ITGAM: variants seen among roughly 807,000 people sequenced by gnomAD.
ITGAM encodes integrin alpha-M.
In ITGAM, 79 loss-of-function variants were observed where a neutral mutation model predicts 137.5. The ratio of observed to expected loss-of-function variants is 0.57; its 90% CI spans 0.48 to 0.69. The LOEUF is 0.69. Ranked by LOEUF, ITGAM falls within the 30% of genes least tolerant of loss-of-function variation. The pLI, the probability that ITGAM is intolerant of heterozygous loss-of-function variation, is 0.00. For missense variants in ITGAM, 1,343 were observed against 1,483.5 expected, an observed-to-expected ratio of 0.91 and a Z score of 1.56; for synonymous variants, 583 against 592.3, an observed-to-expected ratio of 0.98 and a Z score of 0.23.
chr16:31,304,224 G>A (rs529316406), intron 14 of ITGAM, among the ~76,000 whole-genome samples: 2 of 152,006 alleles, frequency 1.3e-5, no homozygotes, highest in Non-Finnish European at 2.9e-5. Flanking sequence ...GTGATGTTGA[G>A]CATTTTTTTC....
chr16:31,326,886 T>G lies in ITGAM; in HGVS notation c.2659T>G (p.Ser887Ala), dbSNP rs1196403460. 6.2e-7 allele frequency: 1 copy of G among 1,613,292 alleles called. No individual in the cohort carries two copies. Among genetic ancestry groups the G allele is most frequent in the Admixed American group, 1.7e-5 (1 of 60,028 alleles). Residue 887 changes from serine (S) to alanine (A), a missense_variant, in exon 22 of 30, where the codon TCT becomes GCT. Ser to Ala is a moderately conservative substitution (Grantham distance 99). Transcript: ENST00000544665. Reference sequence around the variant, plus strand: ...CTTTAATATCACGTTTGATGTAGACTCTAAGGCTTCCCTTGGAAACAAACT... The same window carrying G: ...CTTTAATATCACGTTTGATGTAGACGCTAAGGCTTCCCTTGGAAACAAACT... The part of the protein sequence containing the change: ...VTFNITFDVD[S>A]KASLGNKLLL...
chr16:31,326,365 C>T (rs2080508314), intron 21 of ITGAM, among the ~76,000 whole-genome samples: 1 of 152,096 alleles, frequency 6.6e-6, no homozygotes, highest in Admixed American at 6.6e-5. Context: ...AAGGATCATT[C>T]ATGTCGTAGT....
At chr16:31,321,781 G>A (rs545103233) in intron 16 of ITGAM, among the ~76,000 whole-genome samples, 154 bp downstream of exon 16, 1 of 152,316 alleles carries the variant, frequency 6.6e-6, no homozygotes, top group South Asian at 2.1e-4. Context: ...GCAGGCTATT[G>A]TCCTGCTGGG....
intron 12 of ITGAM, among the ~76,000 whole-genome samples, chr16:31,288,124 G>A (rs372554543): frequency 6.6e-6 from 1 of 152,096 alleles, no homozygotes; most frequent in Non-Finnish European, 1.5e-5. Context: ...GAAAAGGGGT[G>A]TGGGGAAGCA....
intron 12 of ITGAM, among the ~76,000 whole-genome samples, chr16:31,280,717 C>G (rs1423059349): frequency 6.6e-6 from 1 of 152,012 alleles, no homozygotes; most frequent in Non-Finnish European, 1.5e-5. Context: ...ATTTCTTTCT[C>G]CTGCCTGATT....
intron 12 of ITGAM, among the ~76,000 whole-genome samples, chr16:31,293,001 C>T (rs1298865319): frequency 6.6e-6 from 1 of 152,122 alleles, no homozygotes; most frequent in Non-Finnish European, 1.5e-5. Flanking sequence ...TTACATTTCT[C>T]TAATGATAAT....
At position 31,324,659 on chromosome 16, in the gene ITGAM, C is replaced by T. The variant is rs375935866; in HGVS notation, c.2166C>T (p.Ile722=). 8.1e-6 allele frequency: 13 copies of T among 1,601,964 alleles called. No individual in the cohort carries two copies. The African/African-American group carries it at 9.4e-5, about 12-fold the overall frequency. ...ETLKLQLPNC[I]EDPVSPIVLR... ...TCCCGGCTATCTCTTAGAATTGCAT[C>T]GAGGACCCAGTGAGCCCCATTGTGC... Residue 722 remains isoleucine, a synonymous_variant, in exon 18 of 30, where the codon ATC becomes ATT. Transcript: ENST00000544665. This position sits in a 1 kb window ranked among gnomAD's most constrained non-coding sequence, Gnocchi z 4.5.
rs115712775 is a variant in ITGAM at position 31,316,939 on chromosome 16, T to C, written c.1708-4302T>C. 7.9e-3 allele frequency among the ~76,000 whole-genome samples: 1,203 copies of C among 152,344 alleles called. 25 individuals carry two copies. Among genetic ancestry groups the C allele is most frequent in the African/African-American group, 0.028 (1,155 of 41,570 alleles). ...GAAACAAATAATTTTTGTATGTTCA[T>C]TTTGTATTCCATGACTTTACTAAAT... is the stretch of plus-strand genomic sequence containing the variant. On this transcript the variant is annotated intron_variant, in intron 14 of 29. Coordinates refer to ENST00000544665, the MANE Select transcript of ITGAM (RefSeq NM_000632.4).
At chr16:31,261,108 TG>T (rs1337153539) in intron 1 of ITGAM, among the ~76,000 whole-genome samples, 1 of 151,912 alleles carries the variant, frequency 6.6e-6, no homozygotes, top group Non-Finnish European at 1.5e-5. Flanking sequence ...CTAACAGAGC[TG>T]GACCTGGGAG....
At chr16:31,282,043 T>C (rs1257024528) in intron 12 of ITGAM, among the ~76,000 whole-genome samples, 1 of 152,200 alleles carries the variant, frequency 6.6e-6, no homozygotes, top group Non-Finnish European at 1.5e-5. Flanking sequence ...GTGAGTTTCT[T>C]AATCCTGAGT....
chr16:31,294,903 G>A (rs2080118782), intron 12 of ITGAM, among the ~76,000 whole-genome samples: 1 of 152,038 alleles, frequency 6.6e-6, no homozygotes, highest in African/African-American at 2.4e-5. Context: ...TTTTGTATAT[G>A]GTTTGGGATA....
chr16:31,267,135 T>C (rs2144266055), intron 5 of ITGAM, among the ~76,000 whole-genome samples: 1 of 152,206 alleles, frequency 6.6e-6, no homozygotes, highest in East Asian at 1.9e-4. Flanking sequence ...CCCAAAGTGC[T>C]GGGAATGAGC....
intron 14 of ITGAM, among the ~76,000 whole-genome samples, chr16:31,302,956 CT>C (rs1567268549): frequency 8.3e-6 from 1 of 120,698 alleles, no homozygotes; most frequent in Non-Finnish European, 1.7e-5. Context: ...TTCTTTCTTT[CT>C]TTCTTTCTTT....
chr16:31,297,135 A>G (rs998922527), intron 12 of ITGAM, among the ~76,000 whole-genome samples: 31 of 152,082 alleles, frequency 2.0e-4, no homozygotes, highest in African/African-American at 6.8e-4. Flanking sequence ...TGACTCTACT[A>G]TAGGCTTATT....
rs759371607 is a variant in ITGAM at position 31,261,785 on chromosome 16, T to A, written c.122T>A (p.Leu41His). ...GGCTTCGGGCAGAGCGTGGTCCAGCTTCAGGGATCCAGGTGAGACCCTTAG... is the reference window on the plus strand; with the variant it reads ...GGCTTCGGGCAGAGCGTGGTCCAGCATCAGGGATCCAGGTGAGACCCTTAG... ...ARGFGQSVVQ[L>H]QGSRVVVGAP... The change falls in exon 2 of 30, where the codon CTT (leucine) becomes CAT (histidine). Residue 41 changes from leucine to histidine, a missense_variant. By Grantham distance (99) the Leu-to-His change is moderately conservative. Transcript: ENST00000544665. The A allele has an allele frequency of 1.7e-5, 28 of 1,611,806 alleles. No homozygotes were observed. The highest frequency in any genetic ancestry group is 2.1e-5 in the Non-Finnish European group (25 of 1,178,664).
intron 22 of ITGAM, 149 bp from the exon 23 acceptor site, chr16:31,327,998 C>T (rs1299843428): frequency 7.6e-6 from 5 of 655,438 alleles, no homozygotes; most frequent in Non-Finnish European, 1.1e-5. Context: ...CTGGGCTAGG[C>T]GGGGGCAGGG....
At chr16:31,300,771 C>T (rs1485347791) in intron 14 of ITGAM, among the ~76,000 whole-genome samples, 1 of 152,050 alleles carries the variant, frequency 6.6e-6, no homozygotes, top group Non-Finnish European at 1.5e-5. Context: ...ATTAGCCGGG[C>T]TGTGGTGGTG....
chr16:31,285,208 T>G (rs1044201431), intron 12 of ITGAM, among the ~76,000 whole-genome samples: 1 of 152,178 alleles, frequency 6.6e-6, no homozygotes, highest in Admixed American at 6.5e-5. Context: ...ATACCATGTC[T>G]GGAATCTATA....
At chr16:31,276,798 A>G (rs1567253006) in intron 10 of ITGAM, 54 bp downstream of exon 10, 2 of 1,559,540 alleles carry the variant, frequency 1.3e-6, no homozygotes, top group South Asian at 2.3e-5. Flanking sequence ...GCAAGAAGAG[A>G]TAGGAGAGAT....
Sources: gnomAD v4.1 joint callset for allele counts (sites outside exome capture counted in the v4.1 genomes callset) on GRCh38, gnomAD v4.1.1 for gene constraint, Gnocchi (gnomAD v3.1) non-coding constraint, MANE v1.5 for transcripts, NCBI Gene and HGNC (gene_info 2026-07-23, HGNC 2026-07-21) for gene names.